CTNNA3: variants seen among roughly 807,000 people sequenced by gnomAD.
CTNNA3 encodes catenin alpha 3.
Under a neutral mutation model 95.7 loss-of-function variants are expected in CTNNA3, and 76 were observed. The observed-to-expected ratio is 0.79, with a 90% confidence interval of 0.66 to 0.96. CTNNA3 has a LOEUF of 0.96. Among genes scored for constraint, CTNNA3 ranks in the 40% least tolerant of loss-of-function variants. CTNNA3 has a pLI of 0.00. For missense variants in CTNNA3, 1,191 were observed against 1,089.8 expected, an observed-to-expected ratio of 1.09 and a Z score of -1.31; for synonymous variants, 431 against 374.4, an observed-to-expected ratio of 1.15 and a Z score of -1.74.
intron 15 of CTNNA3, among the ~76,000 whole-genome samples, chr10:66,053,400 T>C (rs1313660534): frequency 1.3e-5 from 2 of 152,052 alleles, no homozygotes; most frequent in Non-Finnish European, 2.9e-5. Context: ...AGTAGATGTG[T>C]ATATTTATGG....
intron 12 of CTNNA3, among the ~76,000 whole-genome samples, chr10:66,305,875 G>C (rs938317921): frequency 9.2e-5 from 14 of 152,124 alleles, no homozygotes; most frequent in African/African-American, 3.4e-4. Context: ...CTTGCACTTT[G>C]CCTCACTTAT....
In CTNNA3 at chr10:66,153,758, G is replaced by A. The variant is rs568881187; in HGVS notation, c.1885-50509C>T. Among the ~76,000 whole-genome samples, 3 of 151,606 alleles carry A rather than the reference G, an allele frequency of 2.0e-5. 1 individual carries two copies. Among genetic ancestry groups the A allele is most frequent in the African/African-American group, 7.2e-5 (3 of 41,394 alleles). On this transcript the variant is annotated intron_variant, in intron 13 of 17. Coordinates refer to ENST00000433211, the MANE Select transcript of CTNNA3 (RefSeq NM_013266.4). ...CACCTGCAGACTGTCCTTACACTAA[G>A]ACTAAAAAATGAAAACGTATCCTAT...
At chr10:67,752,681 A>G (rs1841413579) in intron 1 of CTNNA3, among the ~76,000 whole-genome samples, 1 of 152,208 alleles carries the variant, frequency 6.6e-6, no homozygotes, top group South Asian at 2.1e-4. Flanking sequence ...ATACACCAAC[A>G]ATAGACAAAC....
chr10:67,756,165 G>C lies in CTNNA3; in HGVS notation c.-2+7269C>G, dbSNP rs913373551. ...GTGGTTACCAGAGGCCAGGTAGGGT[G>C]GGGGGAACAGGGAGATGAAAAGAAG... On this transcript the variant is annotated intron_variant, in intron 1 of 17. Transcript: ENST00000684154. Among the ~76,000 whole-genome samples, 5 of 152,196 alleles carry C rather than the reference G, an allele frequency of 3.3e-5. No individual in the cohort carries two copies. The East Asian group carries it at 5.8e-4, about 18-fold the overall frequency.
rs1235236316 is a variant in CTNNA3 at position 66,551,901 on chromosome 10, T to C, written c.1375-31128A>G. Among the ~76,000 whole-genome samples, 5 of 142,600 alleles carry C rather than the reference T, an allele frequency of 3.5e-5. No individual in the cohort carries two copies. The South Asian group carries it at 1.2e-3, about 33-fold the overall frequency. The allele number at this position is 142,600 out of a possible 152,430, so 93.6% of individuals were successfully genotyped here. A position where few individuals can be genotyped will look rare whatever the true frequency, so the allele number is the denominator to read the frequency against. On this transcript the variant is annotated intron_variant, in intron 10 of 17. Transcript: ENST00000433211. ...TTAGGGAATCTTTTCTTTTCCTTTT[T>C]TTTTTTTTTTTTTTTTTCTGAGACA... is the stretch of plus-strand genomic sequence containing the variant.
chr10:66,444,008 C>A (rs1373332624), intron 11 of CTNNA3, among the ~76,000 whole-genome samples: 5 of 151,986 alleles, frequency 3.3e-5, no homozygotes, highest in African/African-American at 1.2e-4. Context: ...AGCCAAGGCT[C>A]AAGAACTACG....
chr10:67,085,627 A>C (rs1192187657), intron 7 of CTNNA3, among the ~76,000 whole-genome samples: 1 of 152,006 alleles, frequency 6.6e-6, no homozygotes, highest in Non-Finnish European at 1.5e-5. Context: ...TTTGTGTCAT[A>C]TAAAAATTTG....
intron 7 of CTNNA3, among the ~76,000 whole-genome samples, chr10:66,907,741 T>C (rs1846050744): frequency 6.6e-6 from 1 of 152,104 alleles, no homozygotes; most frequent in Non-Finnish European, 1.5e-5. Flanking sequence ...CCAACAGATA[T>C]CAAAACATAT....
intron 6 of CTNNA3, among the ~76,000 whole-genome samples, chr10:67,202,476 A>G (rs1466991529): frequency 6.6e-6 from 1 of 152,122 alleles, no homozygotes; most frequent in African/African-American, 2.4e-5. Context: ...AAAACAAGGA[A>G]CTCTACAACT....
At chr10:66,755,803 C>A (rs1255330064) in intron 9 of CTNNA3, among the ~76,000 whole-genome samples, 1 of 152,034 alleles carries the variant, frequency 6.6e-6, no homozygotes, top group African/African-American at 2.4e-5. Context: ...AACTTTTAAC[C>A]CCCAAATTCT....
chr10:66,106,163 C>T (rs534264098), intron 13 of CTNNA3, among the ~76,000 whole-genome samples: 13 of 150,284 alleles, frequency 8.7e-5, no homozygotes, highest in African/African-American at 2.5e-4. Flanking sequence ...GCCGAGATCG[C>T]GCCATTGCAC....
chr10:67,146,261 T>C (rs1254774438), intron 7 of CTNNA3, among the ~76,000 whole-genome samples: 1 of 152,214 alleles, frequency 6.6e-6, no homozygotes, highest in Non-Finnish European at 1.5e-5. Flanking sequence ...AATTGCAACA[T>C]TTTTAAGAAC....
At chr10:67,525,558 G>A (rs1357301293) in intron 4 of CTNNA3, among the ~76,000 whole-genome samples, 2 of 151,936 alleles carry the variant, frequency 1.3e-5, no homozygotes, top group African/African-American at 2.4e-5. Flanking sequence ...ATAAATCTAA[G>A]CCAGTGTTCT....
At chr10:67,137,047 G>C (rs1860337061) in intron 7 of CTNNA3, among the ~76,000 whole-genome samples, 1 of 152,112 alleles carries the variant, frequency 6.6e-6, no homozygotes, top group African/African-American at 2.4e-5. Context: ...CCTCTGGGTA[G>C]CTGTGGCTGA....
intron 13 of CTNNA3, among the ~76,000 whole-genome samples, chr10:66,206,480 T>C (rs910506449): frequency 6.6e-6 from 1 of 151,846 alleles, no homozygotes; most frequent in African/African-American, 2.4e-5. Flanking sequence ...TACACTTGAG[T>C]ATTTCAGAGT....
intron 7 of CTNNA3, among the ~76,000 whole-genome samples, chr10:66,798,374 A>C (rs932509202): frequency 2.6e-5 from 4 of 151,892 alleles, no homozygotes; most frequent in Admixed American, 2.0e-4. Flanking sequence ...TAGCTTAAAA[A>C]AAGTTAATTG....
chr10:66,439,286 A>C (rs2093359763), intron 11 of CTNNA3, among the ~76,000 whole-genome samples: 1 of 152,192 alleles, frequency 6.6e-6, no homozygotes, highest in Non-Finnish European at 1.5e-5. Flanking sequence ...TGAGATTATA[A>C]ATTTATATTT....
rs571290462 is a variant in CTNNA3 at position 67,761,297 on chromosome 10, G to A, written c.-2+2137C>T. On this transcript the variant is annotated intron_variant, in intron 1 of 17. Coordinates refer to the CTNNA3 transcript ENST00000684154. Reference sequence around the variant, plus strand: ...CTTGGGCAAGCTATTCATGGGCCACGGTTTCCTGCCTGTAGATGAAGAGAT... The same window carrying A: ...CTTGGGCAAGCTATTCATGGGCCACAGTTTCCTGCCTGTAGATGAAGAGAT... 1.5e-4 allele frequency among the ~76,000 whole-genome samples: 23 copies of A among 152,216 alleles called. 1 individual carries two copies. The South Asian group carries it at 4.2e-3, about 27-fold the overall frequency.
chr10:67,245,046 C>T (rs1331119618), intron 5 of CTNNA3, among the ~76,000 whole-genome samples: 1 of 152,148 alleles, frequency 6.6e-6, no homozygotes, highest in African/African-American at 2.4e-5. Flanking sequence ...CTACAACTTA[C>T]CATGTCACTG....
Sources: allele counts gnomAD v4.1 joint callset (sites outside exome capture counted in the v4.1 genomes callset), GRCh38; gene constraint gnomAD v4.1.1; transcripts MANE v1.5; gene names NCBI Gene and HGNC (gene_info 2026-07-23, HGNC 2026-07-21).